TTC13: variants seen among roughly 807,000 people sequenced by gnomAD.
TTC13 encodes tetratricopeptide repeat protein 13.
Under a neutral mutation model 120.0 loss-of-function variants are expected in TTC13, and 62 were observed. The observed-to-expected ratio is 0.52, with a 90% CI of 0.42 to 0.64. TTC13 has a LOEUF of 0.64. Ranked by LOEUF, TTC13 falls within the 30% of genes least tolerant of loss-of-function variation. The pLI is 0.00. For missense variants in TTC13, 824 were observed against 1,050.2 expected, an observed-to-expected ratio of 0.78 and a Z score of 2.98; for synonymous variants, 384 against 393.5, an observed-to-expected ratio of 0.98 and a Z score of 0.28.
chr1:230,955,839 A>C (rs1305625833), intron 3 of TTC13, among the ~76,000 whole-genome samples: 2 of 152,148 alleles, frequency 1.3e-5, no homozygotes, highest in Non-Finnish European at 2.9e-5. Context: ...CTTTTGCCCT[A>C]CTTTCTTTGG....
chr1:230,908,400 G>A (rs1553276765), intron 22 of TTC13: 1 of 475,924 alleles, frequency 2.1e-6, no homozygotes, highest in South Asian at 1.6e-5. Flanking sequence ...ATGTTGCCCA[G>A]GCTGGTCTCG....
intron 3 of TTC13, among the ~76,000 whole-genome samples, chr1:230,956,901 C>T (rs559088435): frequency 2.0e-5 from 3 of 152,142 alleles, no homozygotes; most frequent in South Asian, 2.1e-4. Flanking sequence ...CCCACATCTC[C>T]GAGCAATGTA....
chr1:230,906,934 A>G lies in TTC13; in HGVS notation c.2554T>C (p.Ser852Pro). 6.5e-7 allele frequency: 1 copy of G among 1,531,502 alleles called. No individual in the cohort carries two copies. The allele number at this position is 1,531,502 out of a possible 1,614,324, so 94.9% of individuals were successfully genotyped here. Residue 852 changes from serine to proline, a missense_variant, in exon 23 of 23, where the codon TCT becomes CCT. Ser to Pro is a moderately conservative substitution (Grantham distance 74, BLOSUM62 -1). This residue lies in a region of TTC13 where 226 missense variants were observed against 259.1 expected (regional missense o/e 0.87). Coordinates refer to ENST00000366661, the MANE Select transcript of TTC13 (RefSeq NM_024525.5). ...AGTTTCTTAAGACAACGTGGAGAAG[A>G]GTCTGTGTTTAGCACCTCAATCATC... is the stretch of plus-strand genomic sequence containing the variant. The part of the protein sequence containing the change: ...RSMIEVLNTD[S>P]SPRCLKKL
chr1:230,912,743 T>G lies in TTC13; in HGVS notation c.2109A>C (p.Leu703Phe). 6.2e-7 allele frequency: 1 copy of G among 1,611,218 alleles called. No homozygotes were observed. Among genetic ancestry groups the G allele is most frequent in the Non-Finnish European group, 8.5e-7 (1 of 1,179,214 alleles). The change falls in exon 19 of 23, where the codon TTA (leucine) becomes TTC (phenylalanine). Residue 703 changes from leucine (L) to phenylalanine (F), a missense_variant. Physicochemically the swap from Leu to Phe is conservative, Grantham distance 22. Transcript: ENST00000366661. ...CCGTGGTTTGAGTTTCCACAGAAAA[T>G]AATATATTGCCAACTCTGAAAATAC... ...TITGDKVGNI[L>F]FSVETQTTEE...
intron 2 of TTC13, 57 bp from the exon 3 acceptor site, chr1:230,958,356 T>C (rs949816648): frequency 1.9e-6 from 3 of 1,547,112 alleles, no homozygotes; most frequent in Non-Finnish European, 2.6e-6. Flanking sequence ...GAAAGAAAAC[T>C]TGTATTAAAA....
At chr1:230,943,019 A>G (rs1226437256) in intron 6 of TTC13, among the ~76,000 whole-genome samples, 2 of 152,200 alleles carry the variant, frequency 1.3e-5, no homozygotes, top group Non-Finnish European at 1.5e-5. Flanking sequence ...ACCTAGGTCT[A>G]TATCATAAGA....
At chr1:230,971,218 C>T (rs1030134057) in intron 1 of TTC13, among the ~76,000 whole-genome samples, 9 of 151,588 alleles carry the variant, frequency 5.9e-5, no homozygotes, top group African/African-American at 1.2e-4. Flanking sequence ...TGGTGGCGGG[C>T]GCCTGTAGTC....
At chr1:230,962,968 G>A (rs1222851824) in intron 1 of TTC13, among the ~76,000 whole-genome samples, 5 of 152,160 alleles carry the variant, frequency 3.3e-5, no homozygotes, top group Non-Finnish European at 5.9e-5. Flanking sequence ...TAATGAGTAA[G>A]GGGTTTTATT....
At chr1:230,908,587 A>G (rs1393176588) in intron 22 of TTC13, 125 bp downstream of exon 22, 1 of 711,634 alleles carries the variant, frequency 1.4e-6, no homozygotes. Flanking sequence ...AATTCATTGT[A>G]TTACATATTA....
At chr1:230,974,923 A>C (rs1678123852) in intron 1 of TTC13, among the ~76,000 whole-genome samples, 1 of 152,264 alleles carries the variant, frequency 6.6e-6, no homozygotes, top group South Asian at 2.1e-4. Flanking sequence ...ACAAAGCTTG[A>C]AGTTATAGGA....
At chr1:230,913,948 G>C (rs61826336) in intron 18 of TTC13, among the ~76,000 whole-genome samples, 11,349 of 152,218 alleles carry the variant, frequency 0.075, 453 homozygotes, top group Non-Finnish European at 0.089. Flanking sequence ...AGCTGGTTTG[G>C]GTAGCCACAG....
chr1:230,968,716 G>A (rs1257021178), intron 1 of TTC13, among the ~76,000 whole-genome samples: 1 of 152,164 alleles, frequency 6.6e-6, no homozygotes, highest in African/African-American at 2.4e-5. Context: ...GGCACAGAAA[G>A]AGGGAAAAGA....
intron 4 of TTC13, among the ~76,000 whole-genome samples, chr1:230,946,831 T>C (rs1675046558): frequency 6.6e-6 from 1 of 152,158 alleles, no homozygotes; most frequent in African/African-American, 2.4e-5. Context: ...ATGAATTATA[T>C]GTAACTGGTA....
Position 230,907,288 on chromosome 1 carries a change from T to G in TTC13, c.2469-269A>C, listed in dbSNP as rs528643439. On this transcript the variant is annotated intron_variant, in intron 22 of 22. Transcript: ENST00000366661. ...CTCTGATTTACATGTCCAGCTGTGG[T>G]GCATGCTGGGCTTGGAATCAAAAGA... Among the ~76,000 whole-genome samples, 83 of 152,346 alleles carry G rather than the reference T, an allele frequency of 5.4e-4. 2 individuals are homozygous for G. In the South Asian group the frequency reaches 0.016, roughly 30 times the overall value.
At chr1:230,927,583 A>G (rs1282898243) in intron 12 of TTC13, among the ~76,000 whole-genome samples, 3 of 152,188 alleles carry the variant, frequency 2.0e-5, no homozygotes, top group Non-Finnish European at 2.9e-5. Context: ...TACTTCATAA[A>G]TTTGGACAGT....
rs943039581 is a variant in TTC13 at position 230,945,446 on chromosome 1, A to G, written c.522T>C (p.Pro174=). 1.9e-6 allele frequency: 3 copies of G among 1,614,014 alleles called. No homozygotes were observed. The highest frequency in any genetic ancestry group is 2.7e-5 in the African/African-American group (2 of 74,932). Residue 174 remains proline, a synonymous_variant, in exon 5 of 23, where the codon CCT becomes CCC. Transcript: ENST00000366661. ...RHFSTMLQEE[P]DLVSAIYGRG... ...GGCCATAAATTGCACTAACCAGATC[A>G]GGCTCCTCCTAGTCAGACCAAAACA...
In TTC13 at chr1:230,940,025, G is replaced by A. The variant is rs189141562; in HGVS notation, c.789+415C>T. Among the ~76,000 whole-genome samples the A allele has an allele frequency of 8.7e-4, 133 of 152,300 alleles. No homozygotes were observed. Among genetic ancestry groups the A allele is most frequent in the Middle Eastern group, 3.4e-3 (1 of 294 alleles). ...CACTTACATAGAGAAGCTACAGTCT[G>A]GAAAGCCATGCTAGTTCAGGGTGTG... On this transcript the variant is annotated intron_variant, in intron 7 of 22. Coordinates refer to ENST00000366661, the MANE Select transcript of TTC13 (RefSeq NM_024525.5). The surrounding 1 kb of genome is among the most constrained non-coding windows in gnomAD (Gnocchi z 4.1).
At chr1:230,954,683 T>C (rs967296744) in intron 3 of TTC13, among the ~76,000 whole-genome samples, 3 of 152,234 alleles carry the variant, frequency 2.0e-5, no homozygotes, top group Non-Finnish European at 4.4e-5. Flanking sequence ...ATCATTCATT[T>C]TCAAATCCCA....
chr1:230,973,429 GACAA>G (rs1411178697), intron 1 of TTC13, among the ~76,000 whole-genome samples: 1 of 152,156 alleles, frequency 6.6e-6, no homozygotes, highest in African/African-American at 2.4e-5. Flanking sequence ...TCTCAAATTG[GACAA>G]ACAGATTCTA....
Sources: gnomAD v4.1 joint callset for allele counts (sites outside exome capture counted in the v4.1 genomes callset) on GRCh38, gnomAD v4.1.1 for gene constraint, gnomAD v4.1.1 regional missense constraint, Gnocchi (gnomAD v3.1) non-coding constraint, MANE v1.5 for transcripts, NCBI Gene and HGNC (gene_info 2026-07-23, HGNC 2026-07-21) for gene names.